Variants in SLC25A20 observed in about 807,000 individuals in gnomAD.
SLC25A20 encodes the protein solute carrier family 25 member 20.
Under a neutral mutation model 39.7 loss-of-function variants are expected in SLC25A20, and 29 were observed. The observed-to-expected ratio is 0.73, with a 90% CI of 0.54 to 1.00. SLC25A20 has a LOEUF of 1.00. SLC25A20 is among the 50% of genes least tolerant of loss of function. The pLI, the probability that SLC25A20 is intolerant of heterozygous loss-of-function variation, is 0.00. For missense variants in SLC25A20, 333 were observed against 379.9 expected (o/e 0.88, Z 1.03); for synonymous variants, 103 against 142.2 (o/e 0.72, Z 1.96).
rs1311943894 is a variant in SLC25A20, at chr3:48,860,874, C to T, written c.536-1247G>A. Reference sequence around the variant, plus strand: ...TTTGAGACGGAGTCTCGCTCTCTCGCCCAGGCTGGAGTGCAATGGTGCAAT... The same window carrying T: ...TTTGAGACGGAGTCTCGCTCTCTCGTCCAGGCTGGAGTGCAATGGTGCAAT... On this transcript the variant is annotated intron_variant, in intron 5 of 8. Coordinates refer to ENST00000319017, the MANE Select transcript of SLC25A20 (RefSeq NM_000387.6). 2.0e-5 allele frequency among the ~76,000 whole-genome samples: 3 copies of T among 149,538 alleles called. No individual in the cohort carries two copies. The East Asian group carries it at 5.9e-4, about 30-fold the overall frequency.
At chr3:48,890,757 C>A (rs2083867083) in intron 2 of SLC25A20, among the ~76,000 whole-genome samples, 1 of 150,544 alleles carries the variant, frequency 6.6e-6, no homozygotes, top group Non-Finnish European at 1.5e-5. Flanking sequence ...TGGGTTCACA[C>A]CATTCTCCTG....
chr3:48,871,051 C>T (rs1029716660), intron 4 of SLC25A20, among the ~76,000 whole-genome samples: 4 of 151,896 alleles, frequency 2.6e-5, no homozygotes, highest in African/African-American at 9.7e-5. Context: ...GTCTCAAACT[C>T]CTGGCCTCAT....
chr3:48,866,967 G>A (rs1001463658), intron 4 of SLC25A20, among the ~76,000 whole-genome samples: 3 of 150,370 alleles, frequency 2.0e-5, no homozygotes, highest in Non-Finnish European at 4.4e-5. Context: ...CTAATTTCTT[G>A]TATTTTTAGT....
At chr3:48,870,075 C>G (rs2083702611) in intron 4 of SLC25A20, among the ~76,000 whole-genome samples, 1 of 151,750 alleles carries the variant, frequency 6.6e-6, no homozygotes, top group Non-Finnish European at 1.5e-5. Context: ...TGATGCATGT[C>G]TCTGCACTTT....
chr3:48,879,107 G>A (rs2083782265), intron 4 of SLC25A20, among the ~76,000 whole-genome samples: 1 of 151,992 alleles, frequency 6.6e-6, no homozygotes, highest in East Asian at 1.9e-4. Flanking sequence ...CTGACCTCAA[G>A]TGATCCATCC....
chr3:48,866,086 A>G (rs1016752787), intron 4 of SLC25A20, among the ~76,000 whole-genome samples: 7 of 151,432 alleles, frequency 4.6e-5, no homozygotes, highest in Non-Finnish European at 8.8e-5. Context: ...GTGAGCTGAG[A>G]TCATGCCACT....
intron 6 of SLC25A20, 37 bp from the exon 7 acceptor site, chr3:48,859,238 G>A: frequency 6.4e-7 from 1 of 1,572,334 alleles, no homozygotes; most frequent in South Asian, 1.1e-5. Context: ...TTAGACAAAG[G>A]CTGTGAGAGT....
chr3:48,891,783 A>G (rs1306827576), intron 2 of SLC25A20, among the ~76,000 whole-genome samples, 197 bp downstream of exon 2: 1 of 152,178 alleles, frequency 6.6e-6, no homozygotes, highest in Non-Finnish European at 1.5e-5. Context: ...AGTCATCTGT[A>G]TAAAACAGTA....
intron 4 of SLC25A20, among the ~76,000 whole-genome samples, chr3:48,871,506 G>A (rs1225263037): frequency 3.3e-5 from 5 of 152,162 alleles, no homozygotes; most frequent in Middle Eastern, 3.4e-3. Context: ...AGTGACTCAC[G>A]CCTGTAATCC....
chr3:48,895,778 T>C (rs2083905976), intron 1 of SLC25A20: 1 of 456,454 alleles, frequency 2.2e-6, no homozygotes, highest in African/African-American at 2.0e-5. Flanking sequence ...ATCCCTCATA[T>C]TGTCCTTCAG....
chr3:48,865,768 CAAA>C (rs2083662989), intron 4 of SLC25A20, among the ~76,000 whole-genome samples: 3 of 123,410 alleles, frequency 2.4e-5, no homozygotes, highest in Admixed American at 8.5e-5. Context: ...GACTCTGTCT[CAAA>C]CAAAAAAAAA....
chr3:48,894,642 T>C (rs998426784), intron 1 of SLC25A20, among the ~76,000 whole-genome samples: 26 of 152,038 alleles, frequency 1.7e-4, no homozygotes, highest in African/African-American at 5.3e-4. Flanking sequence ...TTGGGTTTTT[T>C]TGAGACAAGG....
At chr3:48,885,991 A>C (rs2083826335) in intron 2 of SLC25A20, among the ~76,000 whole-genome samples, 1 of 152,116 alleles carries the variant, frequency 6.6e-6, no homozygotes, top group African/African-American at 2.4e-5. Flanking sequence ...TTATTAACCC[A>C]ATCCCAAGGG....
At chr3:48,875,362 A>G (rs2083747899) in intron 4 of SLC25A20, among the ~76,000 whole-genome samples, 1 of 151,910 alleles carries the variant, frequency 6.6e-6, no homozygotes, top group Non-Finnish European at 1.5e-5. Context: ...GGCCTCCTAA[A>G]GTGCTGGGAT....
chr3:48,858,671 G>A (rs1301613810), intron 7 of SLC25A20, 40 bp from the exon 8 acceptor site: 1 of 1,613,822 alleles, frequency 6.2e-7, no homozygotes, highest in Non-Finnish European at 8.5e-7. Context: ...TCAGGAAGGA[G>A]AAACTAGCAG....
rs936271973 is a variant in SLC25A20, at chr3:48,873,350, C to A, written c.417+6008G>T. ...TGGCGGCTGGGCGCAGTGGCTTATG[C>A]CTATAATCCCAGCACTTTGGGAGGC... On this transcript the variant is annotated intron_variant, in intron 4 of 8. Transcript: ENST00000319017. 2.7e-5 allele frequency among the ~76,000 whole-genome samples: 4 copies of A among 148,796 alleles called. No individual in the cohort carries two copies. In the South Asian group the frequency reaches 8.6e-4, roughly 32 times the overall value.
At chr3:48,874,681 C>G (rs1275870567) in intron 4 of SLC25A20, among the ~76,000 whole-genome samples, 1 of 152,060 alleles carries the variant, frequency 6.6e-6, no homozygotes, top group Non-Finnish European at 1.5e-5. Context: ...ATAATCCATA[C>G]CATGACTACT....
chr3:48,873,349 G>A (rs2083730993), intron 4 of SLC25A20, among the ~76,000 whole-genome samples: 2 of 152,194 alleles, frequency 1.3e-5, no homozygotes, highest in Admixed American at 6.5e-5. Context: ...AGTGGCTTAT[G>A]CCTATAATCC....
intron 2 of SLC25A20, among the ~76,000 whole-genome samples, chr3:48,889,893 G>C (rs2083860828): frequency 6.6e-6 from 1 of 152,160 alleles, no homozygotes; most frequent in African/African-American, 2.4e-5. Context: ...GTGCTGAAGG[G>C]ACATTGTGAG....
Sources: gnomAD v4.1 joint callset for allele counts (sites outside exome capture counted in the v4.1 genomes callset) on GRCh38, gnomAD v4.1.1 for gene constraint, MANE v1.5 for transcripts, NCBI Gene and HGNC (gene_info 2026-07-23, HGNC 2026-07-21) for gene names.